The following TRAPPC8 variants were observed in gnomAD, a reference collection of about 807,000 sequenced individuals.
TRAPPC8 encodes trafficking protein particle complex subunit 8.
A neutral mutation model predicts 174.3 loss-of-function variants in TRAPPC8; 54 were observed. That is an observed-to-expected ratio of 0.31 (90% CI 0.25 to 0.39). The LOEUF (loss-of-function observed/expected upper bound fraction) is 0.39, where lower values mean the gene tolerates loss of function less well. TRAPPC8 is among the 10% of genes least tolerant of loss of function. TRAPPC8 has a pLI of 1.00. For synonymous variants in TRAPPC8, 630 were observed against 579.9 expected (o/e 1.09, Z -1.24); for missense variants, 1,531 against 1,699.1 (o/e 0.90, Z 1.74).
At chr18:31,858,596 T>C (rs1055618588) in intron 19 of TRAPPC8, among the ~76,000 whole-genome samples, 17 of 152,214 alleles carry the variant, frequency 1.1e-4, no homozygotes, top group Non-Finnish European at 2.5e-4. Context: ...GAAATATTAA[T>C]GTTTGGTTAC....
chr18:31,855,025 C>T (rs966044370), intron 21 of TRAPPC8, among the ~76,000 whole-genome samples: 1 of 138,572 alleles, frequency 7.2e-6, no homozygotes, highest in African/African-American at 2.7e-5. Flanking sequence ...CATGGTGAAA[C>T]CCTGTCTCTA....
rs542420673 is a variant in TRAPPC8 at position 31,922,330 on chromosome 18, T to C, written c.353-4663A>G. ...GCTTGTGGCTGGGCGTGGTGGCTCA[T>C]GCCTGTAATCCCAGCACTTTGGGAG... is the stretch of plus-strand genomic sequence containing the variant. On this transcript the variant is annotated intron_variant, in intron 2 of 28. Transcript: ENST00000283351. 1.8e-3 allele frequency among the ~76,000 whole-genome samples: 275 copies of C among 152,264 alleles called. 1 individual carries two copies. The highest frequency in any genetic ancestry group is 2.8e-3 in the Non-Finnish European group (190 of 68,006).
intron 12 of TRAPPC8, among the ~76,000 whole-genome samples, chr18:31,875,344 T>C (rs1287648237): frequency 1.3e-5 from 2 of 149,476 alleles, no homozygotes; most frequent in Non-Finnish European, 3.0e-5. Context: ...GTATATATAA[T>C]AATATATAAA....
chr18:31,886,905 C>T (rs571617861), intron 12 of TRAPPC8, among the ~76,000 whole-genome samples: 2 of 152,158 alleles, frequency 1.3e-5, no homozygotes, highest in East Asian at 3.9e-4. Flanking sequence ...CACTTGAACC[C>T]GGGAGGTGGA....
intron 12 of TRAPPC8, among the ~76,000 whole-genome samples, chr18:31,877,708 G>A (rs567362775): frequency 6.6e-6 from 1 of 151,058 alleles, no homozygotes; most frequent in Non-Finnish European, 1.5e-5. Flanking sequence ...TGGATCACCT[G>A]AGGTTGAGAG....
Position 31,866,832 on chromosome 18 carries a change from A to C in TRAPPC8, c.2590+17T>G. 3.7e-6 allele frequency: 6 copies of C among 1,601,054 alleles called. No homozygotes were observed. The highest frequency in any genetic ancestry group is 5.1e-6 in the Non-Finnish European group (6 of 1,175,356). ...TAAGAAAGTTTTCTAATTGTTTACC[A>C]ATGCTATAGCCTTTACCTGTGTGAC... On this transcript the variant is annotated intron_variant, in intron 18 of 28. Coordinates refer to ENST00000283351, the MANE Select transcript of TRAPPC8 (RefSeq NM_014939.5).
At chr18:31,925,241 A>AT (rs2037562771) in intron 2 of TRAPPC8, among the ~76,000 whole-genome samples, 1 of 150,544 alleles carries the variant, frequency 6.6e-6, no homozygotes, top group African/African-American at 2.4e-5. Flanking sequence ...AATACGAATG[A>AT]AAAAAAAAGG....
In TRAPPC8 at chr18:31,830,646, G is replaced by A. The variant is rs958135670; in HGVS notation, c.*109C>T. The A allele has an allele frequency of 2.5e-5, 22 of 876,840 alleles. No homozygotes were observed. Among genetic ancestry groups the A allele is most frequent in the Non-Finnish European group, 3.6e-5 (21 of 577,000 alleles). The allele number at this position is 876,840 out of a possible 1,614,324, so 54.3% of individuals were successfully genotyped here. On this transcript the variant is annotated 3_prime_UTR_variant, in exon 29 of 29. Coordinates refer to ENST00000283351, the MANE Select transcript of TRAPPC8 (RefSeq NM_014939.5). Reference sequence around the variant, plus strand: ...ATGACAAGTCAAAGTATTTTGCAGGGATCAGATATCAATCAACCTCCATAA... The same window carrying A: ...ATGACAAGTCAAAGTATTTTGCAGGAATCAGATATCAATCAACCTCCATAA...
At chr18:31,919,964 C>T (rs2037314709) in intron 2 of TRAPPC8, among the ~76,000 whole-genome samples, 1 of 152,030 alleles carries the variant, frequency 6.6e-6, no homozygotes, top group Non-Finnish European at 1.5e-5. Context: ...AAATGAAACA[C>T]ACAAATAGGA....
At chr18:31,932,983 G>C (rs1420079287) in intron 1 of TRAPPC8, among the ~76,000 whole-genome samples, 1 of 117,714 alleles carries the variant, frequency 8.5e-6, no homozygotes, top group Non-Finnish European at 1.6e-5. Flanking sequence ...GGGCGACAGA[G>C]TGAGACTCCG....
rs2033611167 is a variant in TRAPPC8 at position 31,849,759 on chromosome 18, T to C, written c.3562-20A>G. 1.3e-6 allele frequency: 2 copies of C among 1,565,246 alleles called. No individual in the cohort carries two copies. Among genetic ancestry groups the C allele is most frequent in the Admixed American group, 2.0e-5 (1 of 49,820 alleles). On this transcript the variant is annotated intron_variant, in intron 24 of 28. Coordinates refer to ENST00000283351, the MANE Select transcript of TRAPPC8 (RefSeq NM_014939.5). ...TATTATCTGTTAAAAGAAAATCACT[T>C]GTGTTCATAAATGCTTTTAATTATG... is the stretch of plus-strand genomic sequence containing the variant.
At chr18:31,917,772 C>CT in intron 2 of TRAPPC8, 105 bp from the exon 3 acceptor site, 1 of 958,960 alleles carries the variant, frequency 1.0e-6, no homozygotes, top group East Asian at 2.5e-5. Flanking sequence ...AAAAAAATTT[C>CT]TAACAGTAAA....
At chr18:31,920,637 TA>T (rs931675203) in intron 2 of TRAPPC8, among the ~76,000 whole-genome samples, 2 of 149,272 alleles carry the variant, frequency 1.3e-5, no homozygotes, top group Admixed American at 6.7e-5. Flanking sequence ...CCATCTCTAC[TA>T]AAAAAAAATA....
At chr18:31,914,865 C>T (rs894251783) in intron 4 of TRAPPC8, among the ~76,000 whole-genome samples, 1 of 152,042 alleles carries the variant, frequency 6.6e-6, no homozygotes, top group Admixed American at 6.6e-5. Context: ...AAAAGGACTA[C>T]TGCAAACAAC....
chr18:31,893,037 A>C (rs201059124), intron 11 of TRAPPC8, among the ~76,000 whole-genome samples: 6 of 150,910 alleles, frequency 4.0e-5, no homozygotes, highest in Non-Finnish European at 8.9e-5. Flanking sequence ...AAAAAAAAAA[A>C]AAAACAACAT....
intron 4 of TRAPPC8, 92 bp downstream of exon 4, chr18:31,916,180 T>C (rs1357927599): frequency 3.1e-6 from 3 of 960,116 alleles, no homozygotes; most frequent in African/African-American, 1.7e-5. Context: ...CATTCTTGTA[T>C]CAAAAATAAA....
In TRAPPC8 at chr18:31,917,587, A is replaced by G; in HGVS notation, c.433T>C (p.Tyr145His). The G allele has an allele frequency of 1.9e-6, 3 of 1,611,932 alleles. No individual in the cohort carries two copies. Among genetic ancestry groups the G allele is most frequent in the Non-Finnish European group, 2.5e-6 (3 of 1,178,648 alleles). Residue 145 changes from tyrosine (Y) to histidine (H), a missense_variant, in exon 3 of 29, where the codon TAT (tyrosine) becomes CAT (histidine). Coordinates refer to ENST00000283351, the MANE Select transcript of TRAPPC8 (RefSeq NM_014939.5). ...AAATGTCAAAGGATACATGCTAAATAGTGGTTCAGAAATTCATGATCCAAT... is the reference window on the plus strand; with the variant it reads ...AAATGTCAAAGGATACATGCTAAATGGTGGTTCAGAAATTCATGATCCAAT... Reference protein sequence around the residue: ...PALDHEFLNHYLACMLVASSS... With the variant: ...PALDHEFLNHHLACMLVASSS...
At chr18:31,875,214 C>A (rs2035081876) in intron 12 of TRAPPC8, among the ~76,000 whole-genome samples, 1 of 151,816 alleles carries the variant, frequency 6.6e-6, no homozygotes, top group South Asian at 2.1e-4. Flanking sequence ...TTAAGTAAAA[C>A]AATAAACACA....
chr18:31,878,922 G>A (rs879113288), intron 12 of TRAPPC8, among the ~76,000 whole-genome samples: 2 of 152,076 alleles, frequency 1.3e-5, no homozygotes, highest in Admixed American at 1.3e-4. Flanking sequence ...TCAACAAGAA[G>A]ATTTAACTAG....
Sources: allele counts gnomAD v4.1 joint callset (sites outside exome capture counted in the v4.1 genomes callset), GRCh38; gene constraint gnomAD v4.1.1; transcripts MANE v1.5; gene names NCBI Gene and HGNC (gene_info 2026-07-23, HGNC 2026-07-21).